The following DMRT1 variants were observed in gnomAD, a reference collection of about 807,000 sequenced individuals.
DMRT1 encodes doublesex- and mab-3-related transcription factor 1.
DMRT1 carries 7 observed loss-of-function variants against 32.3 expected under a neutral mutation model. The observed-to-expected ratio is 0.22, with a 90% CI of 0.12 to 0.41. The LOEUF (loss-of-function observed/expected upper bound fraction) is 0.41, where lower values mean the gene tolerates loss of function less well. Ranked by LOEUF, DMRT1 falls within the 10% of genes least tolerant of loss-of-function variation. The probability of loss-of-function intolerance (pLI) is 1.00; values close to 1 mark genes in which losing one functional copy is unlikely to be tolerated. For missense variants in DMRT1, 625 were observed against 500.5 expected, an observed-to-expected ratio of 1.25 and a Z score of -2.37; for synonymous variants, 278 against 206.1, an observed-to-expected ratio of 1.35 and a Z score of -2.99.
intron 2 of DMRT1, among the ~76,000 whole-genome samples, chr9:876,757 C>G (rs1413675703): frequency 6.6e-6 from 1 of 152,156 alleles, no homozygotes; most frequent in Non-Finnish European, 1.5e-5. Flanking sequence ...TCTGGAACTT[C>G]TGACCTCAAG....
intron 4 of DMRT1, among the ~76,000 whole-genome samples, chr9:917,669 TA>T (rs1238350674): frequency 1.3e-5 from 2 of 152,228 alleles, no homozygotes; most frequent in Non-Finnish European, 2.9e-5. Flanking sequence ...TAGAAGAATT[TA>T]CTCTGTGCTA....
chr9:954,001 G>A (rs566594828), intron 4 of DMRT1, among the ~76,000 whole-genome samples: 18 of 152,234 alleles, frequency 1.2e-4, no homozygotes, highest in Non-Finnish European at 2.2e-4. Context: ...AGAGAAGGGG[G>A]ATTAGAGGAG....
chr9:883,068 G>T (rs764490843), intron 2 of DMRT1, among the ~76,000 whole-genome samples: 1 of 151,668 alleles, frequency 6.6e-6, no homozygotes, highest in Non-Finnish European at 1.5e-5. Context: ...CACCAAGCCT[G>T]CCCACCCCAC....
In DMRT1 at chr9:841,789, C is replaced by G. The variant is rs777110890; in HGVS notation, c.-50C>G. On this transcript the variant is annotated 5_prime_UTR_variant, in exon 1 of 5. Coordinates refer to ENST00000382276, the MANE Select transcript of DMRT1 (RefSeq NM_021951.3). ...CGTCGGGTTCATCCCTCGCAGCAGT[C>G]TCCAGGCGAGAGAGGGGGCCAGAGT... 2 of 1,568,680 alleles carry G rather than the reference C, an allele frequency of 1.3e-6. No individual in the cohort carries two copies. Among genetic ancestry groups the G allele is most frequent in the East Asian group, 2.4e-5 (1 of 42,502 alleles).
intron 2 of DMRT1, among the ~76,000 whole-genome samples, chr9:874,353 T>C (rs1008624079): frequency 2.6e-5 from 4 of 152,326 alleles, no homozygotes; most frequent in Admixed American, 2.6e-4. Flanking sequence ...AGTTGAGATA[T>C]AGATTGGGTC....
intron 2 of DMRT1, among the ~76,000 whole-genome samples, chr9:877,443 G>A (rs1816551051): frequency 6.6e-6 from 1 of 152,178 alleles, no homozygotes; most frequent in South Asian, 2.1e-4. Flanking sequence ...CAGCAACCCT[G>A]TTTGCACCTT....
In DMRT1 at chr9:894,464, C is replaced by T. The variant is rs1033102350; in HGVS notation, c.822+269C>T. ...CAAGGAATTGGAAAGAAATAATGTA[C>T]AAACTTGTTTTCTTTTTCAAATTTT... On this transcript the variant is annotated intron_variant, in intron 3 of 4. Transcript: ENST00000382276. The T allele has an allele frequency of 3.0e-5, 16 of 529,920 alleles. No individual in the cohort carries two copies. The South Asian group carries it at 3.2e-4, about 11-fold the overall frequency. 32.8% of individuals were successfully genotyped at this position (529,920 alleles called of 1,614,324 possible). A position where few individuals can be genotyped will look rare whatever the true frequency, so the allele number is the denominator to read the frequency against.
chr9:961,775 A>G (rs1819781044), intron 4 of DMRT1, among the ~76,000 whole-genome samples: 1 of 152,236 alleles, frequency 6.6e-6, no homozygotes, highest in Non-Finnish European at 1.5e-5. Context: ...TGCGTTCAAA[A>G]GCAAGAATCT....
chr9:901,911 CTTTTTTTTT>C (rs34006231), intron 3 of DMRT1, among the ~76,000 whole-genome samples: 1 of 114,308 alleles, frequency 8.7e-6, no homozygotes. Flanking sequence ...GAAACTAGCC[CTTTTTTTTT>C]TTTTTTTTTT....
At chr9:885,189 C>T (rs1816879071) in intron 2 of DMRT1, among the ~76,000 whole-genome samples, 4 of 152,288 alleles carry the variant, frequency 2.6e-5, no homozygotes, top group African/African-American at 9.6e-5. Flanking sequence ...ATGTTTACAG[C>T]TGAAGCCCCA....
At chr9:920,598 G>T (rs1322853469) in intron 4 of DMRT1, among the ~76,000 whole-genome samples, 1 of 152,220 alleles carries the variant, frequency 6.6e-6, no homozygotes, top group African/African-American at 2.4e-5. Context: ...CAGCTCTTCA[G>T]GAGTTTTGCT....
intron 4 of DMRT1, among the ~76,000 whole-genome samples, chr9:921,151 A>T (rs1443940250): frequency 4.6e-5 from 7 of 151,204 alleles, no homozygotes; most frequent in Non-Finnish European, 8.8e-5. Flanking sequence ...CCAAAAGGAA[A>T]CCCCCCATCC....
Position 911,065 on chromosome 9 carries a change from C to G in DMRT1, c.823-5698C>G, listed in dbSNP as rs138812740. Among the ~76,000 whole-genome samples, 26 of 152,216 alleles carry G rather than the reference C, an allele frequency of 1.7e-4. No homozygotes were observed. In the East Asian group the frequency reaches 5.0e-3, roughly 29 times the overall value. On this transcript the variant is annotated intron_variant, in intron 3 of 4. Coordinates refer to ENST00000382276, the MANE Select transcript of DMRT1 (RefSeq NM_021951.3). ...TTCTAGCTGGAGGTGAGGGACTGAGCACAGGGGTGGTGCTCAGTTAGTTTA... is the reference window on the plus strand; with the variant it reads ...TTCTAGCTGGAGGTGAGGGACTGAGGACAGGGGTGGTGCTCAGTTAGTTTA...
chr9:940,517 A>G (rs959919846), intron 4 of DMRT1, among the ~76,000 whole-genome samples: 1 of 152,150 alleles, frequency 6.6e-6, no homozygotes, highest in Admixed American at 6.5e-5. Context: ...ATGAAGTTGG[A>G]GTCTTACCTT....
intron 4 of DMRT1, among the ~76,000 whole-genome samples, chr9:964,741 A>T (rs957720646): frequency 6.6e-6 from 1 of 152,134 alleles, no homozygotes; most frequent in Non-Finnish European, 1.5e-5. Context: ...AGGCTCAATT[A>T]TTCTTCCTTT....
chr9:841,736 GCGC>G lies in DMRT1; in HGVS notation c.-101_-99del. 6.5e-7 allele frequency: 1 copy of G among 1,546,062 alleles called. No individual in the cohort carries two copies. The highest frequency in any genetic ancestry group is 8.7e-7 in the Non-Finnish European group (1 of 1,146,660). The stretch of plus-strand genomic sequence containing the variant: ...TCCGGCTGCAGCGCACACGTCTCCT[GCGC>G]CTCCTCCTCCGGAGCGTCGCTGTCC... On this transcript the variant is annotated 5_prime_UTR_variant, in exon 1 of 5. Transcript: ENST00000382276.
intron 2 of DMRT1, among the ~76,000 whole-genome samples, chr9:881,547 C>T (rs540339823): frequency 6.6e-6 from 1 of 152,298 alleles, no homozygotes; most frequent in African/African-American, 2.4e-5. Flanking sequence ...TACCTTCTGT[C>T]CAGCTCCCTA....
intron 2 of DMRT1, among the ~76,000 whole-genome samples, chr9:881,028 C>T (rs1443012344): frequency 2.6e-5 from 4 of 152,152 alleles, no homozygotes; most frequent in African/African-American, 9.7e-5. Flanking sequence ...CAGTTCTCAA[C>T]TTGCTCTGCC....
chr9:863,962 C>T (rs1163939629), intron 2 of DMRT1, among the ~76,000 whole-genome samples: 1 of 151,958 alleles, frequency 6.6e-6, no homozygotes, highest in East Asian at 1.9e-4. Flanking sequence ...GCAAGTTTCC[C>T]CCGACTATTT....
Sources: gnomAD v4.1 joint callset for allele counts (sites outside exome capture counted in the v4.1 genomes callset) on GRCh38, gnomAD v4.1.1 for gene constraint, MANE v1.5 for transcripts, NCBI Gene and HGNC (gene_info 2026-07-23, HGNC 2026-07-21) for gene names.